SKI: variants seen among roughly 807,000 people sequenced by gnomAD.
The protein encoded by SKI is ski oncogene.
In SKI, 23 loss-of-function variants were observed where a neutral mutation model predicts 59.3. The observed-to-expected ratio is 0.39, with a 90% confidence interval of 0.28 to 0.55. The LOEUF (loss-of-function observed/expected upper bound fraction) is 0.55, where lower values mean the gene tolerates loss of function less well. Among genes scored for constraint, SKI ranks in the 20% least tolerant of loss-of-function variants. The pLI is 0.67. For synonymous variants in SKI, 673 were observed against 488.6 expected, an observed-to-expected ratio of 1.38 and a Z score of -4.98; for missense variants, 1,017 against 1,038.9, an observed-to-expected ratio of 0.98 and a Z score of 0.29.
chr1:2,254,875 G>T (rs1428690587), intron 1 of SKI, among the ~76,000 whole-genome samples: 2 of 152,196 alleles, frequency 1.3e-5, no homozygotes, highest in Non-Finnish European at 2.9e-5. Context: ...GTTTCTGAGG[G>T]TGGAGACAGC....
chr1:2,285,968 G>A (rs1012679951), intron 1 of SKI, among the ~76,000 whole-genome samples: 1 of 143,420 alleles, frequency 7.0e-6, no homozygotes, highest in African/African-American at 2.6e-5. Context: ...CTGCCTCCCC[G>A]GTTCACGCCA....
chr1:2,282,593 G>A (rs925801729), intron 1 of SKI, among the ~76,000 whole-genome samples: 2 of 152,174 alleles, frequency 1.3e-5, no homozygotes, highest in African/African-American at 4.8e-5. Context: ...CGGCTTGTGT[G>A]GCACCAGGGC....
At chr1:2,297,450 C>T (rs1191806041) in intron 1 of SKI, among the ~76,000 whole-genome samples, 1 of 152,220 alleles carries the variant, frequency 6.6e-6, no homozygotes, top group Admixed American at 6.5e-5. Flanking sequence ...TTGGGAATGT[C>T]AGAACACCAG....
At position 2,287,986 on chromosome 1, in the gene SKI, CT is replaced by C. The variant is rs796307847; in HGVS notation, c.970-14980del. Reference sequence around the variant, plus strand: ...CTCGTCTGTCTTTTTTCTTTTCTTTCTTTTTTTTTTTTCTTCCTTGAGACGG... The same window carrying C: ...CTCGTCTGTCTTTTTTCTTTTCTTTCTTTTTTTTTTTCTTCCTTGAGACGG... On this transcript the variant is annotated intron_variant, in intron 1 of 6. Coordinates refer to ENST00000378536, the MANE Select transcript of SKI (RefSeq NM_003036.4). Among the ~76,000 whole-genome samples the C allele has an allele frequency of 3.1e-3, 459 of 147,434 alleles. 2 individuals carry two copies. Among genetic ancestry groups the C allele is most frequent in the African/African-American group, 9.1e-3 (369 of 40,594 alleles).
At chr1:2,230,538 C>T (rs1413686587) in intron 1 of SKI, among the ~76,000 whole-genome samples, 3 of 152,214 alleles carry the variant, frequency 2.0e-5, no homozygotes, top group East Asian at 3.9e-4. Context: ...ATTTCCTTCT[C>T]TCCCTCTGAA....
At chr1:2,289,839 C>T (rs1640124286) in intron 1 of SKI, among the ~76,000 whole-genome samples, 2 of 152,034 alleles carry the variant, frequency 1.3e-5, no homozygotes, top group Admixed American at 1.3e-4. Flanking sequence ...CCTGGCCTCC[C>T]TCTGGGCAGC....
At chr1:2,293,481 A>G (rs1301854230) in intron 1 of SKI, among the ~76,000 whole-genome samples, 1 of 148,258 alleles carries the variant, frequency 6.7e-6, no homozygotes, top group Non-Finnish European at 1.5e-5. Flanking sequence ...TTCCAGGCAC[A>G]TTTGGCCGTC....
At chr1:2,245,672 C>T (rs931568119) in intron 1 of SKI, among the ~76,000 whole-genome samples, 1 of 151,550 alleles carries the variant, frequency 6.6e-6, no homozygotes, top group African/African-American at 2.4e-5. Context: ...GATGGGGTTT[C>T]ACCATGTTGG....
At chr1:2,306,360 C>T in intron 6 of SKI, 110 bp downstream of exon 6, 4 of 1,147,824 alleles carry the variant, frequency 3.5e-6, no homozygotes, top group Non-Finnish European at 4.8e-6. Flanking sequence ...AAGCCAGGCC[C>T]GGGACCACGT....
rs138756525 is a variant in SKI, at chr1:2,292,233, C to T, written c.970-10745C>T. Among the ~76,000 whole-genome samples, 717 of 152,296 alleles carry T rather than the reference C, an allele frequency of 4.7e-3. 3 individuals are homozygous for T. The highest frequency in any genetic ancestry group is 0.017 in the Middle Eastern group (5 of 294). The stretch of plus-strand genomic sequence containing the variant: ...CCTCCTTGCCCTGCTCAGGGCTGCA[C>T]GGGAGTTGCCACGTAGGAGAGCACA... On this transcript the variant is annotated intron_variant, in intron 1 of 6. Coordinates refer to ENST00000378536, the MANE Select transcript of SKI (RefSeq NM_003036.4).
chr1:2,280,399 A>AGCCCCTTCTCACAAGGGGGCT (rs1639847553), intron 1 of SKI, among the ~76,000 whole-genome samples: 1 of 151,054 alleles, frequency 6.6e-6, no homozygotes, highest in Non-Finnish European at 1.5e-5. Flanking sequence ...GTCTGACCAC[A>AGCCCCTTCTCACAAGGGGGCT]GCCCCTTCTC....
intron 1 of SKI, among the ~76,000 whole-genome samples, chr1:2,271,352 G>A (rs1639614674): frequency 6.6e-6 from 1 of 152,144 alleles, no homozygotes; most frequent in East Asian, 2.0e-4. Context: ...AGAGAAACCA[G>A]GCAGCCTCTC....
intron 1 of SKI, chr1:2,240,601 A>C: frequency 1.0e-6 from 1 of 985,412 alleles, no homozygotes; most frequent in Non-Finnish European, 1.2e-6. Flanking sequence ...GGATTTTAAG[A>C]AGCAGAGTTC....
intron 1 of SKI, among the ~76,000 whole-genome samples, chr1:2,288,464 GTTTTA>G (rs1035127292): frequency 6.6e-6 from 1 of 152,234 alleles, no homozygotes; most frequent in Admixed American, 6.5e-5. Context: ...CCTGAATTCG[GTTTTA>G]TTTTGAGGTT....
intron 5 of SKI, among the ~76,000 whole-genome samples, 183 bp from the exon 6 acceptor site, chr1:2,305,837 G>T (rs1264413197): frequency 6.6e-6 from 1 of 152,226 alleles, no homozygotes; most frequent in Non-Finnish European, 1.5e-5. Context: ...CCGGATGGGG[G>T]TCTGAAAAGC....
rs557390203 is a variant in SKI, at chr1:2,269,158, G to A, written c.970-33820G>A. On this transcript the variant is annotated intron_variant, in intron 1 of 6. Transcript: ENST00000378536. The surrounding 1 kb of genome is among the most constrained non-coding windows in gnomAD (Gnocchi z 4.7). The stretch of plus-strand genomic sequence containing the variant: ...GATGGGGTCTCGCCATGTTGTCCAG[G>A]CTGGTCTAGAACTCCTGGGCTCAAG... 1.3e-5 allele frequency among the ~76,000 whole-genome samples: 2 copies of A among 152,250 alleles called. No individual in the cohort carries two copies. The highest frequency in any genetic ancestry group is 3.9e-4 in the East Asian group (2 of 5,182).
intron 1 of SKI, among the ~76,000 whole-genome samples, chr1:2,273,233 A>G (rs542078686): frequency 6.6e-6 from 1 of 151,738 alleles, no homozygotes; most frequent in African/African-American, 2.4e-5. Flanking sequence ...CCTCCTTCCC[A>G]CTGGCGCCGG....
At chr1:2,256,353 T>A (rs1639275616) in intron 1 of SKI, among the ~76,000 whole-genome samples, 1 of 152,270 alleles carries the variant, frequency 6.6e-6, no homozygotes, top group African/African-American at 2.4e-5. Context: ...CTCCACTGTG[T>A]GTTCCTGGAG....
At chr1:2,288,481 G>A (rs1287416974) in intron 1 of SKI, among the ~76,000 whole-genome samples, 10 of 152,234 alleles carry the variant, frequency 6.6e-5, no homozygotes, top group Admixed American at 6.5e-4. Flanking sequence ...TTTGAGGTTA[G>A]GAGTGAGAAC....
Sources: gnomAD v4.1 joint callset for allele counts (sites outside exome capture counted in the v4.1 genomes callset) on GRCh38, gnomAD v4.1.1 for gene constraint, Gnocchi (gnomAD v3.1) non-coding constraint, MANE v1.5 for transcripts, NCBI Gene and HGNC (gene_info 2026-07-23, HGNC 2026-07-21) for gene names.